Variants in OSBPL3 observed in about 807,000 individuals in gnomAD.
The protein encoded by OSBPL3 is oxysterol binding protein like 3.
Under a neutral mutation model 120.1 loss-of-function variants are expected in OSBPL3, and 65 were observed. The ratio of observed to expected loss-of-function variants is 0.54; its 90% CI spans 0.44 to 0.67. The LOEUF is 0.67. Among genes scored for constraint, OSBPL3 ranks in the 30% least tolerant of loss-of-function variants. The pLI is 0.00. For synonymous variants in OSBPL3, 416 were observed against 402.6 expected, an observed-to-expected ratio of 1.03 and a Z score of -0.40; for missense variants, 1,004 against 1,082.1, an observed-to-expected ratio of 0.93 and a Z score of 1.01.
rs771512830 is a variant in OSBPL3 at position 24,815,565 on chromosome 7, G to A, written c.2028-362C>T. On this transcript the variant is annotated intron_variant, in intron 18 of 22. Coordinates refer to ENST00000313367, the MANE Select transcript of OSBPL3 (RefSeq NM_015550.4). This position sits in a 1 kb window ranked among gnomAD's most constrained non-coding sequence, Gnocchi z 5.1. ...AACTAGGAAAGGGAAGCTTGAGAAAGGGATGAAGGTTTTATACAATCTGCT... is the reference window on the plus strand; with the variant it reads ...AACTAGGAAAGGGAAGCTTGAGAAAAGGATGAAGGTTTTATACAATCTGCT... 5.3e-5 allele frequency among the ~76,000 whole-genome samples: 8 copies of A among 152,208 alleles called. No individual in the cohort carries two copies. The highest frequency in any genetic ancestry group is 1.0e-4 in the Non-Finnish European group (7 of 68,038).
chr7:24,975,857 G>A (rs1240156802), intron 1 of OSBPL3, among the ~76,000 whole-genome samples: 1 of 152,200 alleles, frequency 6.6e-6, no homozygotes, highest in Non-Finnish European at 1.5e-5. Context: ...CAGTTTATGA[G>A]TTCAGCTTTG....
intron 1 of OSBPL3, among the ~76,000 whole-genome samples, chr7:24,973,590 ACAAAAT>A (rs1198056922): frequency 6.6e-6 from 1 of 152,230 alleles, no homozygotes; most frequent in Non-Finnish European, 1.5e-5. Flanking sequence ...CAACTTCAAA[ACAAAAT>A]CATTTAGATT....
At position 24,964,867 on chromosome 7, in the gene OSBPL3, G is replaced by T. The variant is rs181989481; in HGVS notation, c.-150+15019C>A. Among the ~76,000 whole-genome samples the T allele has an allele frequency of 7.9e-5, 12 of 152,298 alleles. No individual in the cohort carries two copies. In the East Asian group the frequency reaches 2.1e-3, roughly 27 times the overall value. ...ACTTAAAAGTTGTTTTGTGTTGGGG[G>T]CTGTGATTAAAATAAGTAAAGTTGG... On this transcript the variant is annotated intron_variant, in intron 1 of 22. Transcript: ENST00000313367. This position sits in a 1 kb window ranked among gnomAD's most constrained non-coding sequence, Gnocchi z 4.2.
intron 18 of OSBPL3, among the ~76,000 whole-genome samples, chr7:24,816,253 C>T (rs1794451780): frequency 6.6e-6 from 1 of 152,100 alleles, no homozygotes; most frequent in Non-Finnish European, 1.5e-5. Flanking sequence ...GTCTCAAACT[C>T]CTGGACTTAA....
At position 24,804,308 on chromosome 7, in the gene OSBPL3, C is replaced by A. The variant is rs745539890; in HGVS notation, c.2567+7G>T. The A allele has an allele frequency of 1.4e-5, 22 of 1,614,146 alleles. 1 individual carries two copies. The South Asian group carries it at 2.4e-4, about 18-fold the overall frequency. On this transcript the variant is annotated splice_region_variant and intron_variant, in intron 22 of 22. Transcript: ENST00000313367. This position sits in a 1 kb window ranked among gnomAD's most constrained non-coding sequence, Gnocchi z 5.4. ...CAACCAAAAACCTACTCAATCCAGGCACGAACCTGAAAAACCGAGGCTGGT... is the reference window on the plus strand; with the variant it reads ...CAACCAAAAACCTACTCAATCCAGGAACGAACCTGAAAAACCGAGGCTGGT...
intron 1 of OSBPL3, among the ~76,000 whole-genome samples, chr7:24,935,051 A>G (rs1277060293): frequency 6.6e-6 from 1 of 152,192 alleles, no homozygotes; most frequent in Non-Finnish European, 1.5e-5. Flanking sequence ...TGTTTGTACT[A>G]GTAAAGAAAG....
intron 1 of OSBPL3, among the ~76,000 whole-genome samples, chr7:24,904,088 G>T (rs1807484431): frequency 6.6e-6 from 1 of 151,960 alleles, no homozygotes; most frequent in Non-Finnish European, 1.5e-5. Context: ...TCACCATGTT[G>T]GCCAGGCTGG....
chr7:24,822,417 T>C lies in OSBPL3; in HGVS notation c.1885-2179A>G, dbSNP rs931609943. 1.3e-5 allele frequency among the ~76,000 whole-genome samples: 2 copies of C among 152,030 alleles called. No individual in the cohort carries two copies. The highest frequency in any genetic ancestry group is 2.4e-5 in the African/African-American group (1 of 41,374). On this transcript the variant is annotated intron_variant, in intron 16 of 22. Coordinates refer to ENST00000313367, the MANE Select transcript of OSBPL3 (RefSeq NM_015550.4). The surrounding 1 kb of genome is among the most constrained non-coding windows in gnomAD (Gnocchi z 5.8). ...GAGTTCAAGACCAGCCTGGGCAACA[T>C]AGTGAGACACTATCTATAATAATAA...
In OSBPL3 at chr7:24,863,692, T is replaced by C; in HGVS notation, c.674-93A>G. The C allele has an allele frequency of 1.2e-6, 1 of 814,834 alleles. No homozygotes were observed. The allele number at this position is 814,834 out of a possible 1,614,324, so 50.5% of individuals were successfully genotyped here. ...TGCCAGCTACTTTTCCTTATTTATC[T>C]GTAGTTGATTTTTTTTTTCATCTGT... is the stretch of plus-strand genomic sequence containing the variant. On this transcript the variant is annotated intron_variant, in intron 7 of 22. Coordinates refer to ENST00000313367, the MANE Select transcript of OSBPL3 (RefSeq NM_015550.4). This position sits in a 1 kb window ranked among gnomAD's most constrained non-coding sequence, Gnocchi z 5.8.
intron 10 of OSBPL3, among the ~76,000 whole-genome samples, chr7:24,861,197 T>C (rs1800482153): frequency 6.6e-6 from 1 of 152,260 alleles, no homozygotes; most frequent in Non-Finnish European, 1.5e-5. Flanking sequence ...TACCTATTTC[T>C]AATTTTTGAT....
chr7:24,809,721 C>T, intron 20 of OSBPL3, 86 bp downstream of exon 20: 1 of 1,278,048 alleles, frequency 7.8e-7, no homozygotes, highest in Non-Finnish European at 1.1e-6. Context: ...GCTGAACAGA[C>T]ACTACTCCTG....
In OSBPL3 at chr7:24,815,634, A is replaced by G. The variant is rs1794376825; in HGVS notation, c.2028-431T>C. ...TCCTTTGTGATGAGAAAGTATTCAG[A>G]TATTACTTATGGAATTCAATAATTA... On this transcript the variant is annotated intron_variant, in intron 18 of 22. Transcript: ENST00000313367. This position sits in a 1 kb window ranked among gnomAD's most constrained non-coding sequence, Gnocchi z 5.1. Among the ~76,000 whole-genome samples the G allele has an allele frequency of 6.6e-6, 1 of 152,268 alleles. No homozygotes were observed. The highest frequency in any genetic ancestry group is 1.5e-5 in the Non-Finnish European group (1 of 68,044).
In OSBPL3 at chr7:24,896,195, C is replaced by G. The variant is rs1806109834; in HGVS notation, c.-149-3574G>C. Among the ~76,000 whole-genome samples, 1 of 152,220 alleles carries G rather than the reference C, an allele frequency of 6.6e-6. No homozygotes were observed. The highest frequency in any genetic ancestry group is 2.4e-5 in the African/African-American group (1 of 41,444). On this transcript the variant is annotated intron_variant, in intron 1 of 22. Coordinates refer to ENST00000313367, the MANE Select transcript of OSBPL3 (RefSeq NM_015550.4). This position sits in a 1 kb window ranked among gnomAD's most constrained non-coding sequence, Gnocchi z 4.4. The stretch of plus-strand genomic sequence containing the variant: ...ATCTGCTTTTGTTTCAACAAACCAC[C>G]TGGTGGTGAGGTTGAGGAGGAGAGA...
chr7:24,853,733 C>T (rs1228628085), intron 10 of OSBPL3, among the ~76,000 whole-genome samples: 1 of 152,130 alleles, frequency 6.6e-6, no homozygotes, highest in Non-Finnish European at 1.5e-5. Flanking sequence ...ATTCTACTCT[C>T]AAATGGTTCC....
At chr7:24,919,576 G>A (rs1050447644) in intron 1 of OSBPL3, among the ~76,000 whole-genome samples, 4 of 151,860 alleles carry the variant, frequency 2.6e-5, no homozygotes, top group Non-Finnish European at 5.9e-5. Context: ...AAAACATAGG[G>A]GTAACTCTTC....
At chr7:24,859,961 C>A (rs6965199) in intron 10 of OSBPL3, among the ~76,000 whole-genome samples, 1 of 151,954 alleles carries the variant, frequency 6.6e-6, no homozygotes, top group East Asian at 1.9e-4. Flanking sequence ...CAGGTAATTG[C>A]AAAATAGTAA....
Position 24,800,062 on chromosome 7 carries a change from G to C in OSBPL3, c.*121C>G. On this transcript the variant is annotated 3_prime_UTR_variant, in exon 23 of 23. Coordinates refer to ENST00000313367, the MANE Select transcript of OSBPL3 (RefSeq NM_015550.4). ...AAATATAGACTTAAAGAGTTACAAT[G>C]CTAAGCTAAGCACAAGTGATCATCC... 1.8e-6 allele frequency: 1 copy of C among 566,180 alleles called. No homozygotes were observed. Among genetic ancestry groups the C allele is most frequent in the Non-Finnish European group, 3.2e-6 (1 of 313,528 alleles). The allele number at this position is 566,180 out of a possible 1,614,324, so 35.1% of individuals were successfully genotyped here. A position where few individuals can be genotyped will look rare whatever the true frequency, so the allele number is the denominator to read the frequency against.
rs551812014 is a variant in OSBPL3, at chr7:24,955,874, C to G, written c.-150+24012G>C. ...AAAACATACAATCATTGAGCTTCTT[C>G]AGCACAGCCACTGCTGTGCAGTTTA... On this transcript the variant is annotated intron_variant, in intron 1 of 22. Coordinates refer to ENST00000313367, the MANE Select transcript of OSBPL3 (RefSeq NM_015550.4). The surrounding 1 kb of genome is among the most constrained non-coding windows in gnomAD (Gnocchi z 4.3). 6.6e-6 allele frequency among the ~76,000 whole-genome samples: 1 copy of G among 152,344 alleles called. No homozygotes were observed. The highest frequency in any genetic ancestry group is 2.4e-5 in the African/African-American group (1 of 41,582).
At chr7:24,976,681 G>A (rs147) in intron 1 of OSBPL3, among the ~76,000 whole-genome samples, 136,814 of 152,304 alleles carry the variant, frequency 0.9, 61,785 homozygotes, top group East Asian at 1. Flanking sequence ...CATCTTCCCT[G>A]GTATCCTACA....
Sources: gnomAD v4.1 joint callset for allele counts (sites outside exome capture counted in the v4.1 genomes callset) on GRCh38, gnomAD v4.1.1 for gene constraint, Gnocchi (gnomAD v3.1) non-coding constraint, MANE v1.5 for transcripts, NCBI Gene and HGNC (gene_info 2026-07-23, HGNC 2026-07-21) for gene names.